Variants in RSRC1 observed in about 807,000 individuals in gnomAD.
The protein encoded by RSRC1 is serine/Arginine-related protein 53.
RSRC1 carries 39 observed loss-of-function variants against 49.1 expected under a neutral mutation model. The observed-to-expected ratio is 0.79, with a 90% CI of 0.61 to 1.04. The LOEUF (loss-of-function observed/expected upper bound fraction) is 1.04, where lower values mean the gene tolerates loss of function less well. RSRC1 is among the 50% of genes least tolerant of loss of function. The pLI is 0.00. For missense variants in RSRC1, 388 were observed against 402.4 expected, an observed-to-expected ratio of 0.96 and a Z score of 0.31; for synonymous variants, 143 against 130.8, an observed-to-expected ratio of 1.09 and a Z score of -0.63.
intron 4 of RSRC1, among the ~76,000 whole-genome samples, chr3:158,239,400 C>G (rs779921119): frequency 2.0e-5 from 3 of 152,178 alleles, no homozygotes; most frequent in Non-Finnish European, 4.4e-5. Context: ...ACTATAAAGA[C>G]CCATGCACAC....
chr3:158,472,517 A>G (rs969678383), intron 7 of RSRC1, among the ~76,000 whole-genome samples: 1 of 152,148 alleles, frequency 6.6e-6, no homozygotes, highest in Non-Finnish European at 1.5e-5. Flanking sequence ...AAAGCAACCC[A>G]CTAATGAGTC....
chr3:158,425,487 G>C (rs563485330), intron 6 of RSRC1, among the ~76,000 whole-genome samples: 2 of 152,126 alleles, frequency 1.3e-5, no homozygotes, highest in East Asian at 3.9e-4. Flanking sequence ...GCTGAGGAGA[G>C]CTTTAATTCC....
chr3:158,316,437 C>CTTT (rs1728450999), intron 5 of RSRC1, among the ~76,000 whole-genome samples: 1 of 87,476 alleles, frequency 1.1e-5, no homozygotes, highest in Non-Finnish European at 2.2e-5. Context: ...CAGAATCTCT[C>CTTT]ATTTTTTTTT....
At chr3:158,538,692 G>A (rs139871374) in intron 8 of RSRC1, among the ~76,000 whole-genome samples, 423 of 151,838 alleles carry the variant, frequency 2.8e-3, no homozygotes, top group African/African-American at 1.0e-2. Context: ...TCAAGTCAAC[G>A]CCTCCAAGAA....
intron 5 of RSRC1, among the ~76,000 whole-genome samples, chr3:158,350,981 A>G (rs564930351): frequency 6.6e-6 from 1 of 152,212 alleles, no homozygotes; most frequent in South Asian, 2.1e-4. Context: ...TTTTAATTCT[A>G]TATTCTGTTC....
rs555237166 is a variant in RSRC1, at chr3:158,177,842, A to G, written c.321-25230A>G. On this transcript the variant is annotated intron_variant, in intron 3 of 9. Transcript: ENST00000611884. ...ATTTGCAATATAACTTTATATCAAT[A>G]TTTAATATCAATATACTTTTTAGAA... 2.6e-5 allele frequency among the ~76,000 whole-genome samples: 4 copies of G among 152,252 alleles called. No homozygotes were observed. The South Asian group carries it at 6.2e-4, about 24-fold the overall frequency.
intron 4 of RSRC1, among the ~76,000 whole-genome samples, chr3:158,274,956 A>G (rs1415380725): frequency 2.0e-5 from 3 of 152,322 alleles, no homozygotes; most frequent in South Asian, 2.1e-4. Context: ...CTTACAGTCA[A>G]CTACTCCCCA....
At chr3:158,433,406 A>T (rs1735881896) in intron 6 of RSRC1, among the ~76,000 whole-genome samples, 1 of 151,966 alleles carries the variant, frequency 6.6e-6, no homozygotes, top group Admixed American at 6.6e-5. Context: ...AAAATAAGGT[A>T]ATACAGAGAT....
At chr3:158,380,795 T>C (rs1321902964) in intron 6 of RSRC1, among the ~76,000 whole-genome samples, 1 of 152,182 alleles carries the variant, frequency 6.6e-6, no homozygotes, top group Non-Finnish European at 1.5e-5. Flanking sequence ...TGCTTATTTT[T>C]GAATTATTAC....
At chr3:158,286,946 C>T (rs554238012) in intron 4 of RSRC1, among the ~76,000 whole-genome samples, 90 of 152,298 alleles carry the variant, frequency 5.9e-4, no homozygotes, top group African/African-American at 2.2e-3. Flanking sequence ...CCTGCCTCAG[C>T]CTTCCGAGTA....
chr3:158,238,207 G>A (rs539870532), intron 4 of RSRC1, among the ~76,000 whole-genome samples: 4 of 152,130 alleles, frequency 2.6e-5, no homozygotes, highest in South Asian at 4.1e-4. Context: ...ACTGCTCAAC[G>A]AAATAAAAGA....
In RSRC1 at chr3:158,336,128, A is replaced by G. The variant is rs189545283; in HGVS notation, c.532-18729A>G. Among the ~76,000 whole-genome samples the G allele has an allele frequency of 4.3e-4, 66 of 152,354 alleles. No homozygotes were observed. In the East Asian group the frequency reaches 0.013, roughly 29 times the overall value. Reference sequence around the variant, plus strand: ...GCACATTTTGCCTACTCACTTGTCTATGCCTGCCTAGGCAATGAGGAAGAT... The same window carrying G: ...GCACATTTTGCCTACTCACTTGTCTGTGCCTGCCTAGGCAATGAGGAAGAT... On this transcript the variant is annotated intron_variant, in intron 5 of 9. Coordinates refer to ENST00000611884, the MANE Select transcript of RSRC1 (RefSeq NM_001271838.2).
intron 4 of RSRC1, among the ~76,000 whole-genome samples, chr3:158,222,109 TA>T (rs1722254722): frequency 6.6e-6 from 1 of 151,550 alleles, no homozygotes; most frequent in South Asian, 2.1e-4. Context: ...AGGGGCAGTT[TA>T]CGATCAGTTA....
chr3:158,207,674 C>CAGAG (rs769634560), intron 4 of RSRC1, among the ~76,000 whole-genome samples: 2,983 of 77,244 alleles, frequency 0.039, 65 homozygotes, highest in East Asian at 0.15. Flanking sequence ...GACAGAGAGA[C>CAGAG]AGACAGACAG....
chr3:158,168,029 T>C (rs1407390676), intron 3 of RSRC1, among the ~76,000 whole-genome samples: 1 of 149,888 alleles, frequency 6.7e-6, no homozygotes, highest in African/African-American at 2.5e-5. Context: ...ATCGTAGACC[T>C]GGGTTTAGCA....
chr3:158,501,197 G>A (rs1012603416), intron 7 of RSRC1, among the ~76,000 whole-genome samples: 6 of 152,134 alleles, frequency 3.9e-5, no homozygotes, highest in African/African-American at 1.4e-4. Context: ...TTAATTTCCA[G>A]TTTTATTCCA....
At chr3:158,394,302 C>T (rs889577174) in intron 6 of RSRC1, among the ~76,000 whole-genome samples, 4 of 151,790 alleles carry the variant, frequency 2.6e-5, no homozygotes, top group Admixed American at 6.6e-5. Context: ...AGTCCTGACC[C>T]AAGCAATTAA....
rs1008304270 is a variant in RSRC1 at position 158,544,567 on chromosome 3, A to G, written c.*292A>G. On this transcript the variant is annotated 3_prime_UTR_variant, in exon 10 of 10. Transcript: ENST00000611884. ...GGTAGACACTAGTGTTTCTTAGTGC[A>G]ATTCAAAAAATGTCAAGATGTCATT... 11 of 191,774 alleles carry G rather than the reference A, an allele frequency of 5.7e-5. No individual in the cohort carries two copies. Among genetic ancestry groups the G allele is most frequent in the Non-Finnish European group, 1.1e-4 (10 of 94,494 alleles). 11.9% of individuals were successfully genotyped at this position (191,774 alleles called of 1,614,324 possible).
intron 6 of RSRC1, among the ~76,000 whole-genome samples, chr3:158,445,621 T>G (rs1254238308): frequency 6.6e-6 from 1 of 152,100 alleles, no homozygotes. Context: ...ACCTGCATGT[T>G]GTGCACATGT....
Sources: allele counts gnomAD v4.1 joint callset (sites outside exome capture counted in the v4.1 genomes callset), GRCh38; gene constraint gnomAD v4.1.1; transcripts MANE v1.5; gene names NCBI Gene and HGNC (gene_info 2026-07-23, HGNC 2026-07-21).